MGAT4C: variants seen among roughly 807,000 people sequenced by gnomAD.
MGAT4C encodes the protein MGAT4 family member C, also known as alpha-1,3-mannosyl-glycoprotein 4-beta-N-acetylglucosaminyltransferase C.
A neutral mutation model predicts 40.1 loss-of-function variants in MGAT4C; 19 were observed. That is an observed-to-expected ratio of 0.47 (90% CI 0.33 to 0.70). The LOEUF is 0.70. Ranked by LOEUF, MGAT4C falls within the 30% of genes least tolerant of loss-of-function variation. The pLI, the probability that MGAT4C is intolerant of heterozygous loss-of-function variation, is 0.02. For synonymous variants in MGAT4C, 181 were observed against 187.1 expected, an observed-to-expected ratio of 0.97 and a Z score of 0.27; for missense variants, 491 against 563.2, an observed-to-expected ratio of 0.87 and a Z score of 1.30.
intron 1 of MGAT4C, among the ~76,000 whole-genome samples, chr12:86,742,971 G>A (rs1951092102): frequency 6.6e-6 from 1 of 151,046 alleles, no homozygotes; most frequent in Admixed American, 6.6e-5. Flanking sequence ...AGAAAAATGT[G>A]TTTATGTATA....
chr12:86,775,373 A>T (rs1951732132), intron 1 of MGAT4C, among the ~76,000 whole-genome samples: 2 of 151,294 alleles, frequency 1.3e-5, no homozygotes, highest in Non-Finnish European at 2.9e-5. Context: ...TGTATTATAC[A>T]AGCAATGCAT....
intron 3 of MGAT4C, among the ~76,000 whole-genome samples, chr12:86,342,317 T>A (rs1171802423): frequency 1.3e-5 from 2 of 152,090 alleles, no homozygotes; most frequent in Non-Finnish European, 2.9e-5. Context: ...CCATGTCTCC[T>A]CAGCAGGCAG....
At chr12:86,757,521 A>T (rs895522836) in intron 1 of MGAT4C, among the ~76,000 whole-genome samples, 1 of 152,126 alleles carries the variant, frequency 6.6e-6, no homozygotes, top group Non-Finnish European at 1.5e-5. Context: ...ATTTGTATTC[A>T]CTTCATCCAT....
intron 1 of MGAT4C, among the ~76,000 whole-genome samples, chr12:86,779,188 T>C (rs1951792009): frequency 6.6e-6 from 1 of 152,058 alleles, no homozygotes; most frequent in African/African-American, 2.4e-5. Context: ...AATTACCCCA[T>C]ATAAAAGACA....
chr12:86,149,600 T>G (rs1884011778), intron 1 of MGAT4C, among the ~76,000 whole-genome samples: 1 of 151,968 alleles, frequency 6.6e-6, no homozygotes, highest in African/African-American at 2.4e-5. Flanking sequence ...TATGAAAGAG[T>G]AAAAAGCACA....
chr12:86,596,328 A>T (rs1961537018), intron 2 of MGAT4C, among the ~76,000 whole-genome samples: 1 of 152,192 alleles, frequency 6.6e-6, no homozygotes, highest in South Asian at 2.1e-4. Context: ...AAAAGGTGAC[A>T]ATCAAAATAA....
intron 2 of MGAT4C, among the ~76,000 whole-genome samples, chr12:86,484,606 G>T (rs189422206): frequency 2.8e-4 from 43 of 152,358 alleles, no homozygotes; most frequent in African/African-American, 9.9e-4. Flanking sequence ...CATGCAGCAT[G>T]GGAGGATCCC....
intron 2 of MGAT4C, among the ~76,000 whole-genome samples, chr12:86,675,155 A>AG (rs1403991543): frequency 2.0e-5 from 3 of 152,310 alleles, no homozygotes; most frequent in Non-Finnish European, 4.4e-5. Flanking sequence ...TTCTCTTCCT[A>AG]GTACCCAAGA....
At chr12:86,745,962 C>G (rs1951146241) in intron 1 of MGAT4C, among the ~76,000 whole-genome samples, 1 of 151,630 alleles carries the variant, frequency 6.6e-6, no homozygotes. Context: ...AAGGGAACAT[C>G]ACCATTCTCT....
chr12:86,015,398 A>G (rs945329029), intron 2 of MGAT4C, among the ~76,000 whole-genome samples: 1 of 152,102 alleles, frequency 6.6e-6, no homozygotes, highest in African/African-American at 2.4e-5. Context: ...TGGGCTTTGA[A>G]GAGGAACTGG....
chr12:86,576,184 T>G (rs1342427026), intron 2 of MGAT4C, among the ~76,000 whole-genome samples: 15 of 151,970 alleles, frequency 9.9e-5, no homozygotes, highest in Non-Finnish European at 1.0e-4. Flanking sequence ...ATTATTAGAT[T>G]TTTTTCCTCT....
chr12:86,690,972 T>A (rs1427847755), intron 2 of MGAT4C, among the ~76,000 whole-genome samples: 1 of 152,220 alleles, frequency 6.6e-6, no homozygotes, highest in Non-Finnish European at 1.5e-5. Flanking sequence ...AAATTTGATA[T>A]TCTTTACCAT....
intron 1 of MGAT4C, among the ~76,000 whole-genome samples, chr12:86,243,043 C>T (rs1951853398): frequency 6.6e-6 from 1 of 152,154 alleles, no homozygotes; most frequent in Non-Finnish European, 1.5e-5. Context: ...ATAGGGGTTT[C>T]TAACCCAACA....
At chr12:86,600,685 G>C (rs1961734193) in intron 2 of MGAT4C, among the ~76,000 whole-genome samples, 1 of 152,208 alleles carries the variant, frequency 6.6e-6, no homozygotes, top group African/African-American at 2.4e-5. Flanking sequence ...AGTGAGGAAG[G>C]CTCGGCCAGG....
At chr12:86,281,548 T>C (rs1461327912) in intron 4 of MGAT4C, among the ~76,000 whole-genome samples, 1 of 152,070 alleles carries the variant, frequency 6.6e-6, no homozygotes, top group Non-Finnish European at 1.5e-5. Flanking sequence ...ATTTAATTTT[T>C]AATTTTTCTA....
intron 1 of MGAT4C, among the ~76,000 whole-genome samples, chr12:86,796,976 T>C (rs1455640708): frequency 6.6e-6 from 1 of 151,946 alleles, no homozygotes; most frequent in Non-Finnish European, 1.5e-5. Context: ...AAAGGTTCTC[T>C]GCCTCCAGGT....
intron 1 of MGAT4C, among the ~76,000 whole-genome samples, chr12:86,743,210 G>A (rs1415079994): frequency 7.1e-6 from 1 of 141,786 alleles, no homozygotes; most frequent in Non-Finnish European, 1.6e-5. Flanking sequence ...GACACAATAA[G>A]TACGGCAGAG....
chr12:86,419,320 C>T (rs1351561602), intron 3 of MGAT4C, among the ~76,000 whole-genome samples: 1 of 151,718 alleles, frequency 6.6e-6, no homozygotes, highest in African/African-American at 2.4e-5. Context: ...AGGACTTGAA[C>T]CAGTCATATT....
At chr12:86,821,553 T>C (rs563060253) in intron 1 of MGAT4C, among the ~76,000 whole-genome samples, 1 of 151,060 alleles carries the variant, frequency 6.6e-6, no homozygotes, top group Admixed American at 6.6e-5. Flanking sequence ...CAGTAAGTTA[T>C]TGTTAATGAT....
Sources: gnomAD v4.1 joint callset for allele counts (sites outside exome capture counted in the v4.1 genomes callset) on GRCh38, gnomAD v4.1.1 for gene constraint, MANE v1.5 for transcripts, NCBI Gene and HGNC (gene_info 2026-07-23, HGNC 2026-07-21) for gene names.